The following STX7 variants were observed in gnomAD, a reference collection of about 807,000 sequenced individuals.
The protein encoded by STX7 is syntaxin-7.
Under a neutral mutation model 39.6 loss-of-function variants are expected in STX7, and 34 were observed. The observed-to-expected ratio is 0.86, with a 90% CI of 0.65 to 1.14. The LOEUF (loss-of-function observed/expected upper bound fraction) is 1.14. Among genes scored for constraint, STX7 ranks in the 50% most tolerant of loss-of-function variants. The pLI is 0.00. For synonymous variants in STX7, 119 were observed against 99.1 expected (o/e 1.20, Z -1.19); for missense variants, 284 against 310.4 (o/e 0.92, Z 0.64).
Position 132,464,048 on chromosome 6 carries a change from G to C in STX7, c.638C>G (p.Ala213Gly), listed in dbSNP as rs1179604332. 6.2e-7 allele frequency: 1 copy of C among 1,613,860 alleles called. No individual in the cohort carries two copies. The highest frequency in any genetic ancestry group is 8.5e-7 in the Non-Finnish European group (1 of 1,179,990). ...ATTTGCTTGCTGAACGTGCACCTCTGCATTTTCCACATTGGCTTCTATGCT... is the reference window on the plus strand; with the variant it reads ...ATTTGCTTGCTGAACGTGCACCTCTCCATTTTCCACATTGGCTTCTATGCT... ...IDSIEANVENAEVHVQQANQQ... is the reference protein window; with the variant it reads ...IDSIEANVENGEVHVQQANQQ... Residue 213 changes from alanine (A) to glycine (G), a missense_variant, in exon 9 of 10, where the codon GCA becomes GGA. Coordinates refer to ENST00000367941, the MANE Select transcript of STX7 (RefSeq NM_003569.3).
At chr6:132,508,538 T>G (rs1333870040) in intron 1 of STX7, among the ~76,000 whole-genome samples, 2 of 152,226 alleles carry the variant, frequency 1.3e-5, no homozygotes, top group South Asian at 2.1e-4. Context: ...TGTTGTTGTT[T>G]GAGACAGGAG....
intron 2 of STX7, among the ~76,000 whole-genome samples, chr6:132,497,678 T>C (rs1418715933): frequency 1.3e-5 from 2 of 152,210 alleles, no homozygotes; most frequent in African/African-American, 4.8e-5. Context: ...TTGTTTGTGT[T>C]TGGGCAAGGA....
At chr6:132,499,431 A>G (rs945446032) in intron 2 of STX7, among the ~76,000 whole-genome samples, 9 of 152,278 alleles carry the variant, frequency 5.9e-5, no homozygotes, top group Middle Eastern at 3.4e-3. Flanking sequence ...TCTCTTTAAA[A>G]TGGAAAGAGT....
chr6:132,512,372 C>G (rs1349013093), intron 1 of STX7, among the ~76,000 whole-genome samples: 1 of 151,890 alleles, frequency 6.6e-6, no homozygotes, highest in Non-Finnish European at 1.5e-5. Context: ...AACTAGAAAA[C>G]AAGGTGGAGG....
chr6:132,501,060 G>GTTT, intron 2 of STX7, among the ~76,000 whole-genome samples: 1 of 145,170 alleles, frequency 6.9e-6, no homozygotes, highest in Non-Finnish European at 1.5e-5. Context: ...AACAGTCCCT[G>GTTT]TCTTTTTTTT....
In STX7 at chr6:132,459,626, C is replaced by T. The variant is rs1300137881; in HGVS notation, c.*1132G>A. 6.6e-6 allele frequency: 1 copy of T among 152,170 alleles called. No individual in the cohort carries two copies. Among genetic ancestry groups the T allele is most frequent in the Non-Finnish European group, 1.5e-5 (1 of 68,022 alleles). The allele number at this position is 152,170 out of a possible 1,614,324, so 9.4% of individuals were successfully genotyped here. On this transcript the variant is annotated 3_prime_UTR_variant, in exon 10 of 10. Coordinates refer to ENST00000367941, the MANE Select transcript of STX7 (RefSeq NM_003569.3). ...CCAAGTTAAACACCGCCTTCAGTACCGAGCTGCTATACAAGAACATTATAA... is the reference window on the plus strand; with the variant it reads ...CCAAGTTAAACACCGCCTTCAGTACTGAGCTGCTATACAAGAACATTATAA...
intron 1 of STX7, among the ~76,000 whole-genome samples, chr6:132,511,081 AT>A (rs897734769): frequency 2.0e-5 from 3 of 152,042 alleles, no homozygotes; most frequent in South Asian, 2.1e-4. Flanking sequence ...GGGGGTGAGC[AT>A]TTTTTTGTCT....
intron 8 of STX7, among the ~76,000 whole-genome samples, chr6:132,464,950 C>T (rs894792560): frequency 1.3e-5 from 2 of 152,138 alleles, no homozygotes; most frequent in Non-Finnish European, 2.9e-5. Flanking sequence ...TCCCTACCAG[C>T]TCTCAGCTTT....
chr6:132,461,902 T>G, intron 9 of STX7: 1 of 1,475,180 alleles, frequency 6.8e-7, no homozygotes, highest in Non-Finnish European at 9.2e-7. Context: ...TTGTGTCAAG[T>G]AGAAGTACCA....
chr6:132,487,898 C>CATT (rs1775178964), intron 2 of STX7, among the ~76,000 whole-genome samples: 1 of 151,850 alleles, frequency 6.6e-6, no homozygotes, highest in Non-Finnish European at 1.5e-5. Flanking sequence ...TTTCTCCCTT[C>CATT]GATTTCCACT....
intron 2 of STX7, among the ~76,000 whole-genome samples, chr6:132,493,132 A>G (rs766699098): frequency 6.6e-6 from 1 of 152,232 alleles, no homozygotes; most frequent in Non-Finnish European, 1.5e-5. Flanking sequence ...GCCATACTCA[A>G]TATCATTAAT....
Position 132,454,514 on chromosome 6 carries a change from T to G in STX7, c.*6244A>C, listed in dbSNP as rs1348042638. The G allele has an allele frequency of 1.3e-5, 2 of 152,172 alleles. No individual in the cohort carries two copies. The highest frequency in any genetic ancestry group is 4.8e-5 in the African/African-American group (2 of 41,452). 9.4% of individuals were successfully genotyped at this position (152,172 alleles called of 1,614,324 possible). ...CTTACAACAGCATGTGAATCTAGTT[T>G]CTCAAAAGTTTAGTTAAAAATACTA... is the stretch of plus-strand genomic sequence containing the variant. On this transcript the variant is annotated 3_prime_UTR_variant, in exon 10 of 10. Transcript: ENST00000367941.
chr6:132,501,543 G>C (rs114374754), intron 2 of STX7, among the ~76,000 whole-genome samples: 1 of 152,086 alleles, frequency 6.6e-6, no homozygotes, highest in Non-Finnish European at 1.5e-5. Context: ...AGGGAACATG[G>C]CCTGATTTAA....
At chr6:132,475,783 A>ACTTTGTTGTCCAG in intron 2 of STX7, 121 bp from the exon 3 acceptor site, 1 of 526,664 alleles carries the variant, frequency 1.9e-6, no homozygotes, top group Non-Finnish European at 3.2e-6. Flanking sequence ...AAAGATGAAA[A>ACTTTGTTGTCCAG]TAGAAAATAT....
chr6:132,502,475 A>G (rs975058455), intron 2 of STX7, among the ~76,000 whole-genome samples: 8 of 152,180 alleles, frequency 5.3e-5, no homozygotes, highest in Non-Finnish European at 2.9e-5. Flanking sequence ...AAAAAAAAAT[A>G]AAAAAATAAA....
intron 9 of STX7, 36 bp from the exon 10 acceptor site, chr6:132,460,886 A>G (rs1359495818): frequency 1.0e-5 from 16 of 1,578,316 alleles, no homozygotes; most frequent in African/African-American, 1.3e-5. Context: ...ACAAAAAAAC[A>G]TGTTTACAGA....
chr6:132,491,434 C>T (rs1166481235), intron 2 of STX7, among the ~76,000 whole-genome samples: 1 of 152,142 alleles, frequency 6.6e-6, no homozygotes, highest in African/African-American at 2.4e-5. Flanking sequence ...ACAAGAAGCA[C>T]AATAACAGAC....
intron 2 of STX7, among the ~76,000 whole-genome samples, chr6:132,484,319 T>G (rs1277051059): frequency 3.3e-5 from 5 of 152,162 alleles, no homozygotes; most frequent in Non-Finnish European, 5.9e-5. Flanking sequence ...GCAATGAAGA[T>G]CCATTCTGTT....
chr6:132,507,645 CTTCATTA>C (rs781023736), intron 1 of STX7, among the ~76,000 whole-genome samples: 12,237 of 151,742 alleles, frequency 0.081, 651 homozygotes, highest in East Asian at 0.16. Context: ...TCCTTCATTC[CTTCATTA>C]TTGCCAAATA....
Sources: gnomAD v4.1 joint callset for allele counts (sites outside exome capture counted in the v4.1 genomes callset) on GRCh38, gnomAD v4.1.1 for gene constraint, MANE v1.5 for transcripts, NCBI Gene and HGNC (gene_info 2026-07-23, HGNC 2026-07-21) for gene names.